PDE3B: variants seen among roughly 807,000 people sequenced by gnomAD.
The protein encoded by PDE3B is phosphodiesterase 3B.
In PDE3B, 66 loss-of-function variants were observed where a neutral mutation model predicts 116.8. The observed-to-expected ratio is 0.56, with a 90% CI of 0.46 to 0.69. PDE3B has a LOEUF of 0.69. Among genes scored for constraint, PDE3B ranks in the 30% least tolerant of loss-of-function variants. The pLI is 0.00. For synonymous variants in PDE3B, 595 were observed against 533.6 expected (o/e 1.12, Z -1.59); for missense variants, 1,384 against 1,368.1 (o/e 1.01, Z -0.18).
chr11:14,664,363 A>G (rs919534479), intron 1 of PDE3B, among the ~76,000 whole-genome samples: 1 of 152,170 alleles, frequency 6.6e-6, no homozygotes, highest in African/African-American at 2.4e-5. Flanking sequence ...AGAACTAGAA[A>G]AGCAAGAGCA....
intron 1 of PDE3B, among the ~76,000 whole-genome samples, chr11:14,743,750 A>C (rs373492303): frequency 4.6e-5 from 7 of 152,286 alleles, no homozygotes; most frequent in Middle Eastern, 3.4e-3. Context: ...AATGCGTACT[A>C]TCTGGGCCGC....
At chr11:14,869,414 T>G (rs372978686) in intron 15 of PDE3B, 47 bp from the exon 16 acceptor site, 6 of 1,492,032 alleles carry the variant, frequency 4.0e-6, no homozygotes, top group Non-Finnish European at 5.5e-6. Flanking sequence ...GTTGAATGAT[T>G]AAATCATATT....
At chr11:14,780,712 A>G (rs1296204184) in intron 2 of PDE3B, among the ~76,000 whole-genome samples, 11 of 152,242 alleles carry the variant, frequency 7.2e-5, no homozygotes, top group African/African-American at 1.4e-4. Flanking sequence ...AAGAGAAAGC[A>G]GGAAAGATCT....
intron 5 of PDE3B, among the ~76,000 whole-genome samples, chr11:14,808,059 CAA>C (rs765095329): frequency 2.7e-4 from 18 of 67,352 alleles, no homozygotes; most frequent in Admixed American, 3.4e-4. Context: ...GCCTTCGTCT[CAA>C]AAAAAAAAAA....
intron 1 of PDE3B, among the ~76,000 whole-genome samples, chr11:14,687,103 C>T (rs1022392917): frequency 1.7e-4 from 26 of 151,990 alleles, no homozygotes; most frequent in African/African-American, 5.8e-4. Flanking sequence ...TTAAACTTGA[C>T]GAAAATGCCT....
At chr11:14,672,028 A>ATAT (rs1554980089) in intron 1 of PDE3B, among the ~76,000 whole-genome samples, 143 of 140,794 alleles carry the variant, frequency 1.0e-3, no homozygotes, top group African/African-American at 3.6e-3. Flanking sequence ...AAAAAAAAAA[A>ATAT]ATATATATAT....
At chr11:14,704,360 A>T (rs1042797951) in intron 1 of PDE3B, among the ~76,000 whole-genome samples, 2 of 151,814 alleles carry the variant, frequency 1.3e-5, no homozygotes, top group Non-Finnish European at 3.0e-5. Context: ...ATGAAGTTAC[A>T]AATTGAGCTG....
At chr11:14,701,364 T>C (rs557288398) in intron 1 of PDE3B, among the ~76,000 whole-genome samples, 31 of 151,794 alleles carry the variant, frequency 2.0e-4, no homozygotes, top group Non-Finnish European at 3.8e-4. Flanking sequence ...TCAAAAATTA[T>C]TTCAAAGTTT....
intron 1 of PDE3B, among the ~76,000 whole-genome samples, chr11:14,654,803 C>CAA (rs1451107451): frequency 1.3e-5 from 2 of 150,892 alleles, no homozygotes; most frequent in Non-Finnish European, 3.0e-5. Context: ...CACACACACA[C>CAA]ACACACACAC....
rs1195541366 is a variant in PDE3B at position 14,818,382 on chromosome 11, T to A, written c.1722T>A (p.Asn574Lys). Reference sequence around the variant, plus strand: ...AGCAACTTAGAAATTCTGATAGCAATCTGTGTAACAGGTAAGTTTCCCAAC... The same window carrying A: ...AGCAACTTAGAAATTCTGATAGCAAACTGTGTAACAGGTAAGTTTCCCAAC... ...FYQQLRNSDS[N>K]LCNSCGHQML... The change falls in exon 6 of 16, where the codon AAT (asparagine) becomes AAA (lysine). Residue 574 changes from asparagine (N) to lysine (K), a missense_variant. Around this residue, in one of 2 missense-constraint regions of PDE3B, gnomAD observed 956 missense variants for 806.8 expected, o/e 1.18. Coordinates refer to ENST00000282096, the MANE Select transcript of PDE3B (RefSeq NM_000922.4). The A allele has an allele frequency of 6.2e-7, 1 of 1,603,702 alleles. No homozygotes were observed. The highest frequency in any genetic ancestry group is 1.1e-5 in the South Asian group (1 of 90,870).
chr11:14,847,824 T>G (rs1380863354), intron 12 of PDE3B, among the ~76,000 whole-genome samples: 10 of 152,136 alleles, frequency 6.6e-5, no homozygotes, highest in South Asian at 4.1e-4. Context: ...AATAACAGGC[T>G]CTGAAATTGT....
chr11:14,799,258 AT>A (rs1236333782), intron 4 of PDE3B, among the ~76,000 whole-genome samples: 1 of 152,134 alleles, frequency 6.6e-6, no homozygotes, highest in African/African-American at 2.4e-5. Context: ...GAGTTTCCTA[AT>A]CCTGAGTTCT....
intron 2 of PDE3B, among the ~76,000 whole-genome samples, chr11:14,778,930 G>C (rs924721473): frequency 6.6e-6 from 1 of 152,120 alleles, no homozygotes; most frequent in Admixed American, 6.5e-5. Flanking sequence ...CTTGAAAAAA[G>C]ATTAGACGAA....
At chr11:14,831,504 C>T (rs1471982571) in intron 8 of PDE3B, 136 bp from the exon 9 acceptor site, 8 of 434,826 alleles carry the variant, frequency 1.8e-5, no homozygotes, top group East Asian at 1.2e-4. Context: ...GCAGATAAGA[C>T]TATATTTAAG....
chr11:14,849,073 C>G (rs1192102045), intron 12 of PDE3B, among the ~76,000 whole-genome samples: 1 of 151,946 alleles, frequency 6.6e-6, no homozygotes, highest in Admixed American at 6.5e-5. Flanking sequence ...ATCACGCTAC[C>G]TGACTTCAAA....
intron 4 of PDE3B, among the ~76,000 whole-genome samples, chr11:14,789,721 A>G (rs1419058116): frequency 6.6e-6 from 1 of 151,944 alleles, no homozygotes; most frequent in Non-Finnish European, 1.5e-5. Context: ...CAACTAATAT[A>G]TTCTATATTC....
chr11:14,845,300 A>G (rs1010617260), intron 12 of PDE3B, among the ~76,000 whole-genome samples: 53 of 152,140 alleles, frequency 3.5e-4, no homozygotes, highest in Non-Finnish European at 5.7e-4. Context: ...AAGGAAAACT[A>G]ACAAACAGAA....
intron 14 of PDE3B, among the ~76,000 whole-genome samples, chr11:14,863,047 C>A (rs964651025): frequency 3.7e-4 from 57 of 152,092 alleles, no homozygotes; most frequent in Middle Eastern, 3.4e-3. Context: ...CCCCCTACCC[C>A]CTAACAGGCC....
chr11:14,661,602 C>G (rs966722784), intron 1 of PDE3B, among the ~76,000 whole-genome samples: 2 of 152,216 alleles, frequency 1.3e-5, no homozygotes, highest in African/African-American at 2.4e-5. Context: ...TCACTCCCAC[C>G]CTAATACTGC....
Sources: allele counts gnomAD v4.1 joint callset (sites outside exome capture counted in the v4.1 genomes callset), GRCh38; gene constraint gnomAD v4.1.1; regional missense constraint gnomAD v4.1.1; transcripts MANE v1.5; gene names NCBI Gene and HGNC (gene_info 2026-07-23, HGNC 2026-07-21).